The following SPHK1 variants were observed in gnomAD, a reference collection of about 807,000 sequenced individuals.
SPHK1 encodes the protein SK 1.
In SPHK1, 10 loss-of-function variants were observed where a neutral mutation model predicts 14.6. That is an observed-to-expected ratio of 0.68 (90% CI 0.42 to 1.16). The LOEUF (loss-of-function observed/expected upper bound fraction) is 1.16, where lower values mean the gene tolerates loss of function less well. Among genes scored for constraint, SPHK1 ranks in the 50% most tolerant of loss-of-function variants. SPHK1 has a pLI of 0.00. For synonymous variants in SPHK1, 274 were observed against 224.0 expected, an observed-to-expected ratio of 1.22 and a Z score of -1.99; for missense variants, 553 against 525.4, an observed-to-expected ratio of 1.05 and a Z score of -0.51.
rs978746867 is a variant in SPHK1 at position 76,384,925 on chromosome 17, G to A, written c.-195+119G>A. The A allele has an allele frequency of 1.5e-5, 9 of 602,506 alleles. No homozygotes were observed. The African/African-American group carries it at 1.6e-4, about 11-fold the overall frequency. The allele number at this position is 602,506 out of a possible 1,614,324, so 37.3% of individuals were successfully genotyped here. A position where few individuals can be genotyped will look rare whatever the true frequency, so the allele number is the denominator to read the frequency against. ...GAGAGCAGGCGGCAGCTGGTGGCCC[G>A]GTTCGGGCTTGGCTTTGGCGCGACC... On this transcript the variant is annotated intron_variant, in intron 1 of 5. Transcript: ENST00000592299.
At chr17:76,383,603 A>G (rs1347286852), upstream of SPHK1, 2 of 295,120 alleles carry the variant, frequency 6.8e-6, no homozygotes, top group Non-Finnish European at 1.4e-5. Flanking sequence ...GTTTCTCCTA[A>G]CTCTGGCCCT....
rs1216013580 is a variant in SPHK1, at chr17:76,385,985, C to T, written c.11C>T (p.Ala4Val). ...GGCCTCTTTGGTTTTGTTTTCTCAG[C>T]GGGCGGCCCCCGGGGCGTGCTCCCG... MDP[A>V]GGPRGVLPRP... The change falls in exon 3 of 6, where the codon GCG becomes GTG. Residue 4 changes from alanine to valine, a missense_variant and splice_region_variant. Coordinates refer to ENST00000592299, the MANE Select transcript of SPHK1 (RefSeq NM_001142601.2). The surrounding 1 kb of genome is among the most constrained non-coding windows in gnomAD (Gnocchi z 5.3). 1.9e-6 allele frequency: 3 copies of T among 1,594,042 alleles called. No homozygotes were observed. Among genetic ancestry groups the T allele is most frequent in the Admixed American group, 1.8e-5 (1 of 56,962 alleles).
Position 76,387,521 on chromosome 17 carries a change from G to T in SPHK1, c.1090G>T (p.Gly364Cys). Residue 364 changes from glycine (G) to cysteine (C), a missense_variant, in exon 6 of 6, where the codon GGT becomes TGT. By Grantham distance (159) the Gly-to-Cys change is radical (BLOSUM62 -3). Coordinates refer to ENST00000592299, the MANE Select transcript of SPHK1 (RefSeq NM_001142601.2). The surrounding 1 kb of genome is among the most constrained non-coding windows in gnomAD (Gnocchi z 4.1). ...CCCAAACTACTTCTGGATGGTCAGC[G>T]GTTGCGTGGAGCCCCCGCCCAGCTG... The part of the protein sequence containing the change: ...VHPNYFWMVS[G>C]CVEPPPSWKP... The T allele has an allele frequency of 6.2e-7, 1 of 1,611,544 alleles. No individual in the cohort carries two copies. The highest frequency in any genetic ancestry group is 1.3e-5 in the African/African-American group (1 of 74,968).
Position 76,385,375 on chromosome 17 carries a change from C to T in SPHK1, c.-194-76C>T, listed in dbSNP as rs547871262. Reference sequence around the variant, plus strand: ...GAACCTGGCTCCCCGCGCGTGGTCCCGGGATTTAGTCGGGCGCTCCCCACC... The same window carrying T: ...GAACCTGGCTCCCCGCGCGTGGTCCTGGGATTTAGTCGGGCGCTCCCCACC... On this transcript the variant is annotated intron_variant, in intron 1 of 5. Coordinates refer to ENST00000592299, the MANE Select transcript of SPHK1 (RefSeq NM_001142601.2). The surrounding 1 kb of genome is among the most constrained non-coding windows in gnomAD (Gnocchi z 5.3). 4.8e-6 allele frequency: 7 copies of T among 1,452,976 alleles called. No homozygotes were observed. Among genetic ancestry groups the T allele is most frequent in the East Asian group, 2.5e-5 (1 of 39,794 alleles). The allele number at this position is 1,452,976 out of a possible 1,614,324, so 90.0% of individuals were successfully genotyped here.
In SPHK1 at chr17:76,387,678, G is replaced by A; in HGVS notation, c.*92G>A. 1 of 1,364,644 alleles carries A rather than the reference G, an allele frequency of 7.3e-7. No homozygotes were observed. The highest frequency in any genetic ancestry group is 1.4e-5 in the South Asian group (1 of 69,600). The allele number at this position is 1,364,644 out of a possible 1,614,324, so 84.5% of individuals were successfully genotyped here. ...GCCTGTCCACAGCTCCTGTGGGGGT[G>A]GAGGAGACTCCTCTGGAGAAGGGTG... On this transcript the variant is annotated 3_prime_UTR_variant, in exon 6 of 6. Transcript: ENST00000592299. The surrounding 1 kb of genome is among the most constrained non-coding windows in gnomAD (Gnocchi z 4.1).
Position 76,385,997 on chromosome 17 carries a change from G to A in SPHK1, c.23G>A (p.Arg8Gln). ...TTTGTTTTCTCAGCGGGCGGCCCCC[G>A]GGGCGTGCTCCCGCGGCCCTGCCGC... is the stretch of plus-strand genomic sequence containing the variant. MDPAGGP[R>Q]GVLPRPCRVL... Residue 8 changes from arginine to glutamine, a missense_variant, in exon 3 of 6, where the codon CGG becomes CAG. Transcript: ENST00000592299. The surrounding 1 kb of genome is among the most constrained non-coding windows in gnomAD (Gnocchi z 5.3). The A allele has an allele frequency of 6.2e-7, 1 of 1,601,114 alleles. No homozygotes were observed.
In SPHK1 at chr17:76,386,088, G is replaced by T. The variant is rs2071975170; in HGVS notation, c.114G>T (p.Val38=). The part of the protein sequence containing the change: ...GKALQLFRSH[V]QPLLAEAEIS... ...CCTTGCAGCTCTTCCGGAGTCACGT[G>T]CAGCCCCTTTTGGCTGAGGCTGAAA... The change falls in exon 3 of 6, where the codon GTG becomes GTT. Residue 38 remains valine (V), a synonymous_variant. Coordinates refer to ENST00000592299, the MANE Select transcript of SPHK1 (RefSeq NM_001142601.2). This position sits in a 1 kb window ranked among gnomAD's most constrained non-coding sequence, Gnocchi z 5.3. The T allele has an allele frequency of 5.0e-6, 8 of 1,604,678 alleles. No homozygotes were observed. The highest frequency in any genetic ancestry group is 6.8e-6 in the Non-Finnish European group (8 of 1,175,058).
At position 76,386,481 on chromosome 17, in the gene SPHK1, T is replaced by A; in HGVS notation, c.347T>A (p.Leu116Gln). ...CTCCCAGCAGGCTCTGGCAACGCGCTGGCAGCTTCCTTGAACCATTATGCT... is the reference window on the plus strand; with the variant it reads ...CTCCCAGCAGGCTCTGGCAACGCGCAGGCAGCTTCCTTGAACCATTATGCT... Reference protein sequence around the residue: ...CSLPAGSGNALAASLNHYAGY... With the variant: ...CSLPAGSGNAQAASLNHYAGY... The change falls in exon 5 of 6, where the codon CTG becomes CAG. Residue 116 changes from leucine to glutamine, a missense_variant. Transcript: ENST00000592299. This position sits in a 1 kb window ranked among gnomAD's most constrained non-coding sequence, Gnocchi z 5.3. 1 of 1,612,812 alleles carries A rather than the reference T, an allele frequency of 6.2e-7. No individual in the cohort carries two copies. Among genetic ancestry groups the A allele is most frequent in the Admixed American group, 1.7e-5 (1 of 60,014 alleles).
In SPHK1 at chr17:76,386,648, C is replaced by A; in HGVS notation, c.374+140C>A. 1 of 1,151,128 alleles carries A rather than the reference C, an allele frequency of 8.7e-7. No individual in the cohort carries two copies. The highest frequency in any genetic ancestry group is 1.2e-6 in the Non-Finnish European group (1 of 824,984). The allele number at this position is 1,151,128 out of a possible 1,614,324, so 71.3% of individuals were successfully genotyped here. Reference sequence around the variant, plus strand: ...GTCCTGGGGCCCTCTCCTGGTGACCCCAGCTGACTGCTTCCATTTGCTCCA... The same window carrying A: ...GTCCTGGGGCCCTCTCCTGGTGACCACAGCTGACTGCTTCCATTTGCTCCA... On this transcript the variant is annotated intron_variant, in intron 5 of 5. Transcript: ENST00000592299. The surrounding 1 kb of genome is among the most constrained non-coding windows in gnomAD (Gnocchi z 5.3).
At position 76,386,004 on chromosome 17, in the gene SPHK1, G is replaced by C; in HGVS notation, c.30G>C (p.Val10=). 1 of 1,601,882 alleles carries C rather than the reference G, an allele frequency of 6.2e-7. No homozygotes were observed. Among genetic ancestry groups the C allele is most frequent in the Non-Finnish European group, 8.5e-7 (1 of 1,173,568 alleles). MDPAGGPRG[V]LPRPCRVLVL... is the part of the protein sequence containing the mutation. ...TCTCAGCGGGCGGCCCCCGGGGCGT[G>C]CTCCCGCGGCCCTGCCGCGTGCTGG... The change falls in exon 3 of 6, where the codon GTG becomes GTC. Residue 10 remains valine, a synonymous_variant. Coordinates refer to ENST00000592299, the MANE Select transcript of SPHK1 (RefSeq NM_001142601.2). The surrounding 1 kb of genome is among the most constrained non-coding windows in gnomAD (Gnocchi z 5.3).
At position 76,387,699 on chromosome 17, in the gene SPHK1, G is replaced by C. The variant is rs1053976330; in HGVS notation, c.*113G>C. 4.1e-6 allele frequency: 5 copies of C among 1,213,252 alleles called. No homozygotes were observed. The highest frequency in any genetic ancestry group is 5.6e-6 in the Non-Finnish European group (5 of 894,240). The allele number at this position is 1,213,252 out of a possible 1,614,324, so 75.2% of individuals were successfully genotyped here. A position where few individuals can be genotyped will look rare whatever the true frequency, so the allele number is the denominator to read the frequency against. ...GGGTGGAGGAGACTCCTCTGGAGAA[G>C]GGTGAGAAGGTGGAGGCTATGCTTT... On this transcript the variant is annotated 3_prime_UTR_variant, in exon 6 of 6. Coordinates refer to ENST00000592299, the MANE Select transcript of SPHK1 (RefSeq NM_001142601.2). The surrounding 1 kb of genome is among the most constrained non-coding windows in gnomAD (Gnocchi z 4.1).
rs768369735 is a variant in SPHK1 at position 76,386,951 on chromosome 17, AT to A, written c.522del (p.Ile174MetfsTer6). The part of the protein sequence containing the change: ...FSVLSLAWGF[I>X]ADVDLESEKY... The stretch of plus-strand genomic sequence containing the variant: ...TGTGCTCAGCCTGGCCTGGGGCTTC[AT>A]TGCTGATGTGGACCTAGAGAGTGAG... On this transcript the variant is annotated frameshift_variant, in exon 6 of 6. Coordinates refer to ENST00000592299, the MANE Select transcript of SPHK1 (RefSeq NM_001142601.2). LOFTEE classifies it low-confidence loss of function (END_TRUNC). The surrounding 1 kb of genome is among the most constrained non-coding windows in gnomAD (Gnocchi z 5.3). 6.2e-7 allele frequency: 1 copy of A among 1,613,402 alleles called. No homozygotes were observed. Among genetic ancestry groups the A allele is most frequent in the Admixed American group, 1.7e-5 (1 of 59,992 alleles).
At position 76,385,197 on chromosome 17, in the gene SPHK1, C is replaced by T. The variant is rs779163048; in HGVS notation, c.-194-254C>T. On this transcript the variant is annotated intron_variant, in intron 1 of 5. Transcript: ENST00000592299. The surrounding 1 kb of genome is among the most constrained non-coding windows in gnomAD (Gnocchi z 5.3). ...GAGGAGCTAGTCCGTCGGAGGGAGC[C>T]ACGGGGCTCTGACTCATCCGTCGGG... 5.7e-6 allele frequency: 9 copies of T among 1,567,786 alleles called. No homozygotes were observed. Among genetic ancestry groups the T allele is most frequent in the African/African-American group, 1.3e-5 (1 of 74,140 alleles).
chr17:76,387,677 T>C lies in SPHK1; in HGVS notation c.*91T>C, dbSNP rs2072020700. On this transcript the variant is annotated 3_prime_UTR_variant, in exon 6 of 6. Transcript: ENST00000592299. This position sits in a 1 kb window ranked among gnomAD's most constrained non-coding sequence, Gnocchi z 4.1. ...GGCCTGTCCACAGCTCCTGTGGGGG[T>C]GGAGGAGACTCCTCTGGAGAAGGGT... 1 of 1,351,032 alleles carries C rather than the reference T, an allele frequency of 7.4e-7. No homozygotes were observed. The highest frequency in any genetic ancestry group is 9.9e-7 in the Non-Finnish European group (1 of 1,007,892). 83.7% of individuals were successfully genotyped at this position (1,351,032 alleles called of 1,614,324 possible).
rs748797305 is a variant in SPHK1, at chr17:76,387,622, A to C, written c.*36A>C. On this transcript the variant is annotated 3_prime_UTR_variant, in exon 6 of 6. Transcript: ENST00000592299. The surrounding 1 kb of genome is among the most constrained non-coding windows in gnomAD (Gnocchi z 4.1). ...GCGCTGTGCCTTAGTGTCTACTTGC[A>C]GGACCCTTCCTCCTTCCCTAGGGCT... 6.5e-7 allele frequency: 1 copy of C among 1,534,938 alleles called. No homozygotes were observed. Among genetic ancestry groups the C allele is most frequent in the Non-Finnish European group, 8.7e-7 (1 of 1,145,238 alleles).
rs760710843 is a variant in SPHK1 at position 76,386,038 on chromosome 17, A to C, written c.64A>C (p.Asn22His). The C allele has an allele frequency of 1.2e-6, 2 of 1,607,896 alleles. No individual in the cohort carries two copies. Among genetic ancestry groups the C allele is most frequent in the Non-Finnish European group, 1.7e-6 (2 of 1,177,126 alleles). The stretch of plus-strand genomic sequence containing the variant: ...GCCCTGCCGCGTGCTGGTGCTGCTG[A>C]ACCCGCGCGGCGGCAAGGGCAAGGC... ...PRPCRVLVLL[N>H]PRGGKGKALQ... Residue 22 changes from asparagine to histidine, a missense_variant, in exon 3 of 6, where the codon AAC (asparagine) becomes CAC (histidine). Coordinates refer to ENST00000592299, the MANE Select transcript of SPHK1 (RefSeq NM_001142601.2). The surrounding 1 kb of genome is among the most constrained non-coding windows in gnomAD (Gnocchi z 5.3).
At chr17:76,383,494 C>G (rs1352709374), upstream of SPHK1, 1 of 232,394 alleles carries the variant, frequency 4.3e-6, no homozygotes, top group African/African-American at 2.4e-5. Context: ...TCCTCCTGGA[C>G]CTGCCTCTTC....
At position 76,387,470 on chromosome 17, in the gene SPHK1, A is replaced by G. The variant is rs1322544018; in HGVS notation, c.1039A>G (p.Ser347Gly). Reference protein sequence around the residue: ...VFAVDGELMVSEAVQGQVHPN... With the variant: ...VFAVDGELMVGEAVQGQVHPN... ...TGCAGTGGATGGGGAATTGATGGTT[A>G]GCGAGGCCGTGCAGGGCCAGGTGCA... The change falls in exon 6 of 6, where the codon AGC (serine) becomes GGC (glycine). Residue 347 changes from serine to glycine, a missense_variant. Transcript: ENST00000592299. This position sits in a 1 kb window ranked among gnomAD's most constrained non-coding sequence, Gnocchi z 4.1. 1 of 1,613,566 alleles carries G rather than the reference A, an allele frequency of 6.2e-7. No homozygotes were observed. The highest frequency in any genetic ancestry group is 8.5e-7 in the Non-Finnish European group (1 of 1,179,992).
At position 76,386,899 on chromosome 17, in the gene SPHK1, C is replaced by T. The variant is rs9901836; in HGVS notation, c.468C>T (p.His156=). The change falls in exon 6 of 6, where the codon CAC becomes CAT. Residue 156 remains histidine (H), a synonymous_variant. Coordinates refer to ENST00000592299, the MANE Select transcript of SPHK1 (RefSeq NM_001142601.2). This position sits in a 1 kb window ranked among gnomAD's most constrained non-coding sequence, Gnocchi z 5.3. The stretch of plus-strand genomic sequence containing the variant: ...CACCCATGAACCTGCTGTCTCTGCA[C>T]ACGGCTTCGGGGCTGCGCCTCTTCT... ...LLSPMNLLSL[H]TASGLRLFSV... 640 of 1,611,982 alleles carry T rather than the reference C, an allele frequency of 4.0e-4. 2 individuals carry two copies. In the African/African-American group the frequency reaches 7.8e-3, roughly 20 times the overall value.
Sources: allele counts gnomAD v4.1 joint callset, GRCh38; gene constraint gnomAD v4.1.1; non-coding constraint Gnocchi (gnomAD v3.1); transcripts MANE v1.5; gene names NCBI Gene and HGNC (gene_info 2026-07-23, HGNC 2026-07-21).